The following CENPP variants were observed in gnomAD, a reference collection of about 807,000 sequenced individuals.
CENPP encodes the protein centromere protein P.
Under a neutral mutation model 35.6 loss-of-function variants are expected in CENPP, and 24 were observed. The ratio of observed to expected loss-of-function variants is 0.67; its 90% confidence interval spans 0.49 to 0.95. The LOEUF (loss-of-function observed/expected upper bound fraction) is 0.95. Among genes scored for constraint, CENPP ranks in the 40% least tolerant of loss-of-function variants. The pLI is 0.00. For missense variants in CENPP, 332 were observed against 345.3 expected, an observed-to-expected ratio of 0.96 and a Z score of 0.31; for synonymous variants, 120 against 125.5, an observed-to-expected ratio of 0.96 and a Z score of 0.29.
chr9:92,597,133 T>G (rs1379788477), intron 5 of CENPP, among the ~76,000 whole-genome samples: 2 of 152,198 alleles, frequency 1.3e-5, no homozygotes, highest in Non-Finnish European at 2.9e-5. Context: ...TCTGTTTCCC[T>G]TAGGTTTTAA....
intron 4 of CENPP, among the ~76,000 whole-genome samples, chr9:92,354,586 C>T (rs1841542986): frequency 6.6e-6 from 1 of 152,186 alleles, no homozygotes; most frequent in African/African-American, 2.4e-5. Context: ...TCTTGAACTC[C>T]TGGACTCTTG....
At chr9:92,572,772 G>T (rs1362184394) in intron 5 of CENPP, among the ~76,000 whole-genome samples, 1 of 152,132 alleles carries the variant, frequency 6.6e-6, no homozygotes, top group Admixed American at 6.5e-5. Flanking sequence ...ATATTTCTTG[G>T]AGGCTTTGTT....
At chr9:92,341,422 C>T (rs974639927) in intron 3 of CENPP, among the ~76,000 whole-genome samples, 4 of 152,156 alleles carry the variant, frequency 2.6e-5, no homozygotes, top group South Asian at 4.1e-4. Flanking sequence ...TTTTGTGGCT[C>T]GTGGGGCATC....
At chr9:92,495,569 T>G in intron 5 of CENPP, 1 of 979,408 alleles carries the variant, frequency 1.0e-6, no homozygotes, top group Non-Finnish European at 1.2e-6. Context: ...TAATCTTGAG[T>G]GAGGAATAGT....
chr9:92,481,980 T>A (rs1407532552), intron 5 of CENPP, among the ~76,000 whole-genome samples: 1 of 152,040 alleles, frequency 6.6e-6, no homozygotes. Flanking sequence ...ACATACAAGA[T>A]GTTTATTTAG....
intron 5 of CENPP, among the ~76,000 whole-genome samples, chr9:92,467,053 G>A (rs1845341402): frequency 6.6e-6 from 1 of 152,130 alleles, no homozygotes; most frequent in Non-Finnish European, 1.5e-5. Context: ...AGGCCTGTAA[G>A]GAAAAAAATC....
intron 5 of CENPP, among the ~76,000 whole-genome samples, chr9:92,524,697 T>C (rs1256646544): frequency 6.6e-6 from 1 of 152,184 alleles, no homozygotes; most frequent in Non-Finnish European, 1.5e-5. Flanking sequence ...GAGGAGAAAC[T>C]AAAACCCCAG....
rs938608861 is a variant in CENPP at position 92,497,695 on chromosome 9, G to T, written c.565-113619G>T. On this transcript the variant is annotated intron_variant, in intron 5 of 7. Coordinates refer to ENST00000375587, the MANE Select transcript of CENPP (RefSeq NM_001012267.3). ...AAATACACATACCCCATAAGGTTTG[G>T]TTTTTTTGACCCCTCCAAATCTCAT... is the stretch of plus-strand genomic sequence containing the variant. Among the ~76,000 whole-genome samples, 13 of 151,492 alleles carry T rather than the reference G, an allele frequency of 8.6e-5. No individual in the cohort carries two copies. The East Asian group carries it at 1.7e-3, about 20-fold the overall frequency.
chr9:92,509,782 A>C (rs1329550321), intron 5 of CENPP: 2 of 1,133,624 alleles, frequency 1.8e-6, no homozygotes, highest in East Asian at 5.8e-5. Flanking sequence ...CAAATGGTTA[A>C]GTGACCTAAA....
intron 5 of CENPP, among the ~76,000 whole-genome samples, chr9:92,491,751 C>T (rs1464284047): frequency 2.6e-5 from 4 of 152,134 alleles, no homozygotes; most frequent in Non-Finnish European, 4.4e-5. Flanking sequence ...TGATGTCTCT[C>T]GTATCTGTGC....
chr9:92,391,658 C>T (rs1407900728), intron 5 of CENPP, among the ~76,000 whole-genome samples: 1 of 152,004 alleles, frequency 6.6e-6, no homozygotes, highest in African/African-American at 2.4e-5. Flanking sequence ...AAACACAAAG[C>T]ACAAAAATGT....
intron 5 of CENPP, among the ~76,000 whole-genome samples, chr9:92,467,792 C>T (rs1429582424): frequency 6.6e-6 from 1 of 152,166 alleles, no homozygotes; most frequent in African/African-American, 2.4e-5. Context: ...AGATATATCA[C>T]TATTGCTAAA....
At position 92,483,457 on chromosome 9, in the gene CENPP, T is replaced by C. The variant is rs1003821000; in HGVS notation, c.564+103598T>C. Among the ~76,000 whole-genome samples the C allele has an allele frequency of 1.1e-4, 16 of 152,176 alleles. 1 individual carries two copies. Among genetic ancestry groups the C allele is most frequent in the African/African-American group, 3.9e-4 (16 of 41,440 alleles). On this transcript the variant is annotated intron_variant, in intron 5 of 7. Transcript: ENST00000375587. ...GTTAGCCAGGATGGTCTCGATCTCC[T>C]GACCTCGTGATCTGCCCGCCTCGGC...
intron 5 of CENPP, among the ~76,000 whole-genome samples, chr9:92,452,028 A>AT (rs1844725819): frequency 1.3e-5 from 2 of 148,892 alleles, no homozygotes; most frequent in East Asian, 2.0e-4. Flanking sequence ...TAGATATACA[A>AT]TCATGTCATC....
chr9:92,347,003 G>T (rs1457529333), intron 4 of CENPP, among the ~76,000 whole-genome samples: 1 of 151,452 alleles, frequency 6.6e-6, no homozygotes, highest in Non-Finnish European at 1.5e-5. Context: ...AGGCAGCACA[G>T]TAGAGGTGGG....
At chr9:92,540,627 C>A (rs1008298047) in intron 5 of CENPP, among the ~76,000 whole-genome samples, 1 of 150,520 alleles carries the variant, frequency 6.6e-6, no homozygotes, top group African/African-American at 2.4e-5. Flanking sequence ...AAAAATTAGC[C>A]GAGCATGGTG....
chr9:92,601,424 G>A (rs763217273), intron 5 of CENPP, among the ~76,000 whole-genome samples: 3 of 152,142 alleles, frequency 2.0e-5, no homozygotes, highest in Non-Finnish European at 4.4e-5. Context: ...TGGTGCTGCC[G>A]GCGGTTAGTT....
intron 5 of CENPP, among the ~76,000 whole-genome samples, chr9:92,525,510 C>T (rs765983188): frequency 3.3e-5 from 5 of 152,118 alleles, no homozygotes; most frequent in African/African-American, 1.2e-4. Context: ...TGCCTAGAGA[C>T]GTCACAGCAT....
rs79382201 is a variant in CENPP at position 92,451,942 on chromosome 9, C to T, written c.564+72083C>T. Reference sequence around the variant, plus strand: ...AAGAATGCTTGTGATTTTTGTACATCGATTTTGTATCCTGAGACTTTGCTG... The same window carrying T: ...AAGAATGCTTGTGATTTTTGTACATTGATTTTGTATCCTGAGACTTTGCTG... On this transcript the variant is annotated intron_variant, in intron 5 of 7. Transcript: ENST00000375587. Among the ~76,000 whole-genome samples the T allele has an allele frequency of 2.2e-4, 33 of 151,558 alleles. 1 individual carries two copies. Among genetic ancestry groups the T allele is most frequent in the Admixed American group, 1.3e-3 (20 of 15,212 alleles).
Sources: gnomAD v4.1 joint callset for allele counts (sites outside exome capture counted in the v4.1 genomes callset) on GRCh38, gnomAD v4.1.1 for gene constraint, MANE v1.5 for transcripts, NCBI Gene and HGNC (gene_info 2026-07-23, HGNC 2026-07-21) for gene names.